ANXA8: variants seen among roughly 807,000 people sequenced by gnomAD.
ANXA8 encodes the protein VAC-beta.
ANXA8 carries 9 observed loss-of-function variants against 26.8 expected under a neutral mutation model. The observed-to-expected ratio is 0.34, with a 90% CI of 0.20 to 0.59. The LOEUF is 0.59. Ranked by LOEUF, ANXA8 falls within the 20% of genes least tolerant of loss-of-function variation. ANXA8 has a pLI of 0.84. For synonymous variants in ANXA8, 39 were observed against 94.8 expected (o/e 0.41, Z 3.42); for missense variants, 83 against 238.5 (o/e 0.35, Z 4.29).
the ANXA8 span, among the ~76,000 whole-genome samples, chr10:47,627,137 A>G: frequency 6.7e-6 from 1 of 149,848 alleles, no homozygotes; most frequent in Non-Finnish European, 1.5e-5. Context: ...TTGTCTCTGC[A>G]TGCTGACTGT....
chr10:47,972,665 G>A, the ANXA8 span, among the ~76,000 whole-genome samples: 5 of 94,372 alleles, frequency 5.3e-5, no homozygotes, highest in East Asian at 9.3e-4. Context: ...AAGCTCCCTC[G>A]GTGCTCTTTC....
At chr10:47,694,129 C>G in the ANXA8 span, among the ~76,000 whole-genome samples, 2 of 151,762 alleles carry the variant, frequency 1.3e-5, no homozygotes, top group East Asian at 1.9e-4. Context: ...AGGTAACATT[C>G]TCTCTGGTGG....
At chr10:47,704,509 T>TA in the ANXA8 span, among the ~76,000 whole-genome samples, 3 of 148,880 alleles carry the variant, frequency 2.0e-5, no homozygotes, top group Non-Finnish European at 4.5e-5. Context: ...ATACTACTAT[T>TA]ACTACTTTTC....
At chr10:47,707,026 T>A in the ANXA8 span, among the ~76,000 whole-genome samples, 1 of 143,556 alleles carries the variant, frequency 7.0e-6, no homozygotes, top group African/African-American at 2.4e-5. Flanking sequence ...GGCATTAATT[T>A]TTCAGTGTAG....
chr10:47,777,527 C>T, the ANXA8 span, among the ~76,000 whole-genome samples: 2 of 152,150 alleles, frequency 1.3e-5, no homozygotes, highest in Non-Finnish European at 2.9e-5. Context: ...ACCCAATATG[C>T]AACAGCCAGT....
the ANXA8 span, among the ~76,000 whole-genome samples, chr10:47,650,665 G>T: frequency 1.4e-5 from 2 of 144,696 alleles, no homozygotes; most frequent in Non-Finnish European, 3.0e-5. Context: ...AAATTAGCTG[G>T]GTGTAGTGGC....
chr10:47,626,519 T>G, the ANXA8 span, among the ~76,000 whole-genome samples: 3 of 149,970 alleles, frequency 2.0e-5, no homozygotes, highest in African/African-American at 5.1e-5. Flanking sequence ...AGGAAAGATT[T>G]TATTCAGTTT....
the ANXA8 span, among the ~76,000 whole-genome samples, chr10:47,951,697 G>A: frequency 2.7e-5 from 4 of 149,140 alleles, no homozygotes; most frequent in Non-Finnish European, 5.9e-5. Flanking sequence ...TGTAATCCCC[G>A]CTACTCAGGA....
At chr10:47,975,835 C>A in the ANXA8 span, among the ~76,000 whole-genome samples, 1 of 131,682 alleles carries the variant, frequency 7.6e-6, no homozygotes, top group East Asian at 2.0e-4. Flanking sequence ...CTCAGGCAGT[C>A]TTCAGTAAAC....
At chr10:47,573,497 TG>T in the ANXA8 span, among the ~76,000 whole-genome samples, 1 of 129,090 alleles carries the variant, frequency 7.7e-6, no homozygotes, top group African/African-American at 3.0e-5. Context: ...CTTTCGTAGA[TG>T]CCTCTAGAAA....
chr10:47,645,927 C>T, the ANXA8 span, among the ~76,000 whole-genome samples: 1 of 149,188 alleles, frequency 6.7e-6, no homozygotes, highest in Non-Finnish European at 1.5e-5. Flanking sequence ...TTAGGTTGAA[C>T]TATATCACTA....
chr10:47,769,904 T>C, the ANXA8 span, among the ~76,000 whole-genome samples: 1 of 150,908 alleles, frequency 6.6e-6, no homozygotes, highest in East Asian at 2.0e-4. Flanking sequence ...CTTACAGTTC[T>C]GCAGGCTGTA....
At chr10:47,567,986 A>G in the ANXA8 span, 2 of 715,200 alleles carry the variant, frequency 2.8e-6, no homozygotes, top group Non-Finnish European at 5.0e-6. Flanking sequence ...GCTGGTGTTA[A>G]GATCTATCCC....
At chr10:47,549,089 C>G in the ANXA8 span, among the ~76,000 whole-genome samples, 920 of 152,146 alleles carry the variant, frequency 6.0e-3, no homozygotes, top group African/African-American at 0.021. Flanking sequence ...TTTTGGAACA[C>G]ATTTCATTGT....
chr10:47,896,709 C>T, the ANXA8 span, among the ~76,000 whole-genome samples: 2,936 of 149,062 alleles, frequency 0.02, no homozygotes, highest in African/African-American at 0.07. Flanking sequence ...GCACACTCAG[C>T]CCAGTAGAAT....
the ANXA8 span, among the ~76,000 whole-genome samples, chr10:47,743,349 TATATAC>T: frequency 3.7e-5 from 3 of 80,254 alleles, no homozygotes; most frequent in African/African-American, 1.2e-4. Context: ...TACATATATA[TATATAC>T]ACATATATAT....
chr10:47,513,392 C>T, the ANXA8 span, among the ~76,000 whole-genome samples: 1 of 142,012 alleles, frequency 7.0e-6, no homozygotes, highest in Non-Finnish European at 1.5e-5. Context: ...AAGTCATGGA[C>T]ACAGACAAAT....
the ANXA8 span, among the ~76,000 whole-genome samples, chr10:47,957,109 G>T: frequency 6.7e-6 from 1 of 150,302 alleles, no homozygotes; most frequent in South Asian, 2.1e-4. Flanking sequence ...GTATAATCAT[G>T]CTCAGAGCTG....
upstream of ANXA8, among the ~76,000 whole-genome samples, chr10:47,485,113 T>C (rs1376171262): frequency 2.0e-5 from 3 of 151,824 alleles, no homozygotes; most frequent in East Asian, 5.8e-4. Context: ...CTAAAGTATC[T>C]ATAATACACT....
Sources: allele counts gnomAD v4.1 joint callset (sites outside exome capture counted in the v4.1 genomes callset), GRCh38; gene constraint gnomAD v4.1.1; transcripts MANE v1.5; gene names NCBI Gene and HGNC (gene_info 2026-07-23, HGNC 2026-07-21).